Variants in PCDHGA1 observed in about 807,000 individuals in gnomAD.
PCDHGA1 encodes the protein protocadherin gamma-A1.
A neutral mutation model predicts 58.0 loss-of-function variants in PCDHGA1; 32 were observed. The observed-to-expected ratio is 0.55, with a 90% confidence interval of 0.42 to 0.74. The LOEUF is 0.74. PCDHGA1 is among the 30% of genes least tolerant of loss of function. The probability of loss-of-function intolerance (pLI) is 0.00; values close to 1 mark genes in which losing one functional copy is unlikely to be tolerated. For missense variants in PCDHGA1, 1,205 were observed against 1,182.3 expected (o/e 1.02, Z -0.28); for synonymous variants, 498 against 501.1 (o/e 0.99, Z 0.08).
intron 1 of PCDHGA1, chr5:141,388,422 C>T (rs68033444): frequency 0.056 from 89,796 of 1,613,752 alleles, 3,047 homozygotes; most frequent in African/African-American, 0.15. Flanking sequence ...TCATTTCTCA[C>T]TGATAAATAA....
intron 1 of PCDHGA1, chr5:141,351,032 G>A (rs531286057): frequency 2.5e-6 from 4 of 1,613,988 alleles, no homozygotes; most frequent in African/African-American, 1.3e-5. Flanking sequence ...GGGAACCTCC[G>A]TGCTGCGGGT....
chr5:141,506,896 T>C (rs1417106112), intron 3 of PCDHGA1, among the ~76,000 whole-genome samples: 3 of 152,158 alleles, frequency 2.0e-5, no homozygotes, highest in African/African-American at 7.2e-5. Flanking sequence ...CAAGAAGCAC[T>C]GTCATCACAC....
intron 1 of PCDHGA1, chr5:141,422,606 C>A: frequency 6.2e-7 from 1 of 1,613,904 alleles, no homozygotes; most frequent in Non-Finnish European, 8.5e-7. Context: ...TCTTACTCTG[C>A]CTACATTCCC....
chr5:141,348,698 G>T (rs945739744), intron 1 of PCDHGA1, among the ~76,000 whole-genome samples: 1 of 152,050 alleles, frequency 6.6e-6, no homozygotes, highest in East Asian at 1.9e-4. Flanking sequence ...TGAAGAATGG[G>T]CAAGAATCCA....
chr5:141,432,934 G>A lies in PCDHGA1; in HGVS notation c.2422-61873G>A. The stretch of plus-strand genomic sequence containing the variant: ...GGCGCTGGCACAAGTCACGCCTGCT[G>A]CAGGCTTCAGGAGGCGGCTTGACAG... On this transcript the variant is annotated intron_variant, in intron 1 of 3. Transcript: ENST00000517417. This position sits in a 1 kb window ranked among gnomAD's most constrained non-coding sequence, Gnocchi z 6.0. 1.9e-6 allele frequency: 3 copies of A among 1,614,196 alleles called. No individual in the cohort carries two copies. Among genetic ancestry groups the A allele is most frequent in the Non-Finnish European group, 2.5e-6 (3 of 1,180,040 alleles).
intron 1 of PCDHGA1, chr5:141,410,146 C>T (rs2095361527): frequency 2.5e-6 from 4 of 1,612,390 alleles, no homozygotes; most frequent in Non-Finnish European, 2.5e-6. Context: ...CTGTGCGTGA[C>T]GGTGGACAGC....
intron 1 of PCDHGA1, chr5:141,419,926 G>C (rs1371764532): frequency 7.4e-6 from 12 of 1,613,978 alleles, no homozygotes; most frequent in Non-Finnish European, 8.5e-6. Flanking sequence ...CTGAGATGCA[G>C]TTTTACCTGG....
intron 1 of PCDHGA1, chr5:141,430,662 C>A: frequency 8.6e-7 from 1 of 1,169,068 alleles, no homozygotes; most frequent in Non-Finnish European, 1.2e-6. Context: ...AACGGAGGAG[C>A]TCTGACTTCC....
At chr5:141,357,091 G>C (rs750967343) in intron 1 of PCDHGA1, 1 of 1,613,788 alleles carries the variant, frequency 6.2e-7, no homozygotes, top group Non-Finnish European at 8.5e-7. Context: ...CACCGCACGG[G>C]CCCTGCTGGA....
intron 2 of PCDHGA1, 142 bp downstream of exon 2, chr5:141,495,007 G>C (rs2099758216): frequency 2.0e-6 from 3 of 1,522,276 alleles, no homozygotes; most frequent in Non-Finnish European, 8.8e-7. Flanking sequence ...TTGGTGTGCG[G>C]GGGGCTGGCA....
At position 141,332,942 on chromosome 5, in the gene PCDHGA1, A is replaced by T. The variant is rs573487481; in HGVS notation, c.2258A>T (p.Tyr753Phe). 6 of 1,614,126 alleles carry T rather than the reference A, an allele frequency of 3.7e-6. No homozygotes were observed. The highest frequency in any genetic ancestry group is 5.1e-6 in the Non-Finnish European group (6 of 1,180,008). ...VDGVRAFLQT[Y>F]SHEVSLTADS... is the part of the protein sequence containing the mutation. ...GGGGTTCGGGCTTTCCTGCAGACCT[A>T]TTCCCACGAGGTCTCCCTCACTGCG... The change falls in exon 1 of 4, where the codon TAT becomes TTT. Residue 753 changes from tyrosine (Y) to phenylalanine (F), a missense_variant. Transcript: ENST00000517417. This position sits in a 1 kb window ranked among gnomAD's most constrained non-coding sequence, Gnocchi z 4.6.
rs1387152450 is a variant in PCDHGA1 at position 141,487,754 on chromosome 5, G to A, written c.2422-7053G>A. The A allele has an allele frequency of 1.3e-6, 2 of 1,552,036 alleles. No individual in the cohort carries two copies. Among genetic ancestry groups the A allele is most frequent in the Admixed American group, 3.9e-5 (2 of 50,970 alleles). ...CATTTTTGTAAGAGGTAACTATGTG[G>A]TAGACGCTGTGCTTTGTAACTGTTT... On this transcript the variant is annotated intron_variant, in intron 1 of 3. Transcript: ENST00000517417. This position sits in a 1 kb window ranked among gnomAD's most constrained non-coding sequence, Gnocchi z 5.0.
chr5:141,370,405 G>T, intron 1 of PCDHGA1: 3 of 1,559,818 alleles, frequency 1.9e-6, no homozygotes, highest in Non-Finnish European at 2.6e-6. Flanking sequence ...ATGGGAAATA[G>T]CTCCGGATGG....
intron 1 of PCDHGA1, among the ~76,000 whole-genome samples, chr5:141,460,922 ATATGTGTGTGTG>A: frequency 6.6e-6 from 1 of 151,042 alleles, no homozygotes; most frequent in Non-Finnish European, 1.5e-5. Context: ...GTATATATAT[ATATGTGTGTGTG>A]TATATATATG....
At chr5:141,394,856 G>A (rs1008039711) in intron 1 of PCDHGA1, 1 of 1,613,792 alleles carries the variant, frequency 6.2e-7, no homozygotes, top group Non-Finnish European at 8.5e-7. Flanking sequence ...TGAAGCCTTC[G>A]GTCGACCCGA....
chr5:141,491,802 G>A lies in PCDHGA1; in HGVS notation c.2422-3005G>A. 6.7e-7 allele frequency: 1 copy of A among 1,497,480 alleles called. No homozygotes were observed. Among genetic ancestry groups the A allele is most frequent in the East Asian group, 2.5e-5 (1 of 40,518 alleles). The allele number at this position is 1,497,480 out of a possible 1,614,324, so 92.8% of individuals were successfully genotyped here. ...ACTTGCATCCACTCCTCTCCGGCCG[G>A]CTTGGTCGCTGGCTGCGCTCCACCC... On this transcript the variant is annotated intron_variant, in intron 1 of 3. Coordinates refer to ENST00000517417, the MANE Select transcript of PCDHGA1 (RefSeq NM_018912.3). The surrounding 1 kb of genome is among the most constrained non-coding windows in gnomAD (Gnocchi z 6.9).
chr5:141,341,057 G>A (rs1757016901), intron 1 of PCDHGA1: 1 of 1,614,188 alleles, frequency 6.2e-7, no homozygotes, highest in South Asian at 1.1e-5. Context: ...CCTGGTGGTG[G>A]CGGTGGCCGC....
intron 1 of PCDHGA1, chr5:141,399,667 C>T (rs752195462): frequency 1.2e-6 from 2 of 1,613,634 alleles, no homozygotes; most frequent in Non-Finnish European, 8.5e-7. Context: ...GTTCGCGCAG[C>T]GCGCCTTTGA....
At chr5:141,374,163 C>A (rs764323551) in intron 1 of PCDHGA1, 1 of 1,612,604 alleles carries the variant, frequency 6.2e-7, no homozygotes, top group East Asian at 2.2e-5. Flanking sequence ...TGGGGGGCCG[C>A]GGCAGCGCAG....
Sources: allele counts gnomAD v4.1 joint callset (sites outside exome capture counted in the v4.1 genomes callset), GRCh38; gene constraint gnomAD v4.1.1; non-coding constraint Gnocchi (gnomAD v3.1); transcripts MANE v1.5; gene names NCBI Gene and HGNC (gene_info 2026-07-23, HGNC 2026-07-21).